MAML2: variants seen among roughly 807,000 people sequenced by gnomAD.
MAML2 encodes the protein mastermind like transcriptional coactivator 2, also known as mastermind-like protein 2.
MAML2 carries 22 observed loss-of-function variants against 96.1 expected under a neutral mutation model. That is an observed-to-expected ratio of 0.23 (90% CI 0.16 to 0.33). The LOEUF is 0.33. Among genes scored for constraint, MAML2 ranks in the 10% least tolerant of loss-of-function variants. MAML2 has a pLI of 1.00. For missense variants in MAML2, 1,367 were observed against 1,392.4 expected (o/e 0.98, Z 0.29); for synonymous variants, 561 against 521.3 (o/e 1.08, Z -1.04).
intron 1 of MAML2, among the ~76,000 whole-genome samples, chr11:96,270,459 G>A (rs1437267245): frequency 2.0e-5 from 3 of 152,094 alleles, no homozygotes; most frequent in Non-Finnish European, 4.4e-5. Context: ...ACAGACGGGT[G>A]CCACCACACC....
intron 1 of MAML2, among the ~76,000 whole-genome samples, chr11:96,175,503 A>G (rs1445665650): frequency 6.6e-6 from 1 of 152,236 alleles, no homozygotes; most frequent in Non-Finnish European, 1.5e-5. Context: ...CCACTTTAGC[A>G]ATATTTGTCC....
intron 3 of MAML2, among the ~76,000 whole-genome samples, chr11:95,986,292 C>T (rs1002342909): frequency 1.3e-5 from 2 of 151,102 alleles, no homozygotes; most frequent in Non-Finnish European, 3.0e-5. Context: ...GCAACCTCTG[C>T]CTCCCTGGTT....
chr11:96,293,181 G>A (rs1863239927), intron 1 of MAML2, among the ~76,000 whole-genome samples: 1 of 152,140 alleles, frequency 6.6e-6, no homozygotes, highest in Non-Finnish European at 1.5e-5. Context: ...TATTACCCCT[G>A]TAATGTGCCA....
intron 1 of MAML2, among the ~76,000 whole-genome samples, chr11:96,188,811 A>G (rs932814099): frequency 3.3e-5 from 5 of 152,118 alleles, no homozygotes; most frequent in African/African-American, 1.2e-4. Flanking sequence ...CACATGTGAA[A>G]CATCTCTGAA....
intron 1 of MAML2, among the ~76,000 whole-genome samples, chr11:96,274,073 T>C (rs957573886): frequency 3.4e-5 from 5 of 148,154 alleles, no homozygotes; most frequent in African/African-American, 1.2e-4. Flanking sequence ...TCTTTTTCCT[T>C]TTCCTTTTTT....
chr11:96,008,513 C>A (rs964053167), intron 2 of MAML2, among the ~76,000 whole-genome samples: 1 of 152,168 alleles, frequency 6.6e-6, no homozygotes, highest in Non-Finnish European at 1.5e-5. Flanking sequence ...TCACTGAGTA[C>A]ATATCTGAAC....
At chr11:96,298,243 TC>T (rs1209498504) in intron 1 of MAML2, among the ~76,000 whole-genome samples, 2 of 152,220 alleles carry the variant, frequency 1.3e-5, no homozygotes, top group Non-Finnish European at 2.9e-5. Flanking sequence ...ATGCTTATGT[TC>T]TGATTAGGTT....
intron 1 of MAML2, among the ~76,000 whole-genome samples, chr11:96,290,894 G>A (rs1402311315): frequency 2.6e-5 from 4 of 152,096 alleles, no homozygotes; most frequent in Non-Finnish European, 5.9e-5. Context: ...TGGCTGTTGG[G>A]TTTTTCTGTT....
intron 1 of MAML2, among the ~76,000 whole-genome samples, chr11:96,256,778 T>C (rs1862674128): frequency 6.6e-6 from 1 of 152,210 alleles, no homozygotes. Flanking sequence ...GGAAGTTACT[T>C]ATTTTACACA....
intron 1 of MAML2, among the ~76,000 whole-genome samples, chr11:96,249,370 A>G (rs909159631): frequency 6.6e-6 from 1 of 152,156 alleles, no homozygotes; most frequent in Non-Finnish European, 1.5e-5. Context: ...CCTTAAATAC[A>G]TAAATGTACA....
At chr11:96,272,525 A>C (rs1862931193) in intron 1 of MAML2, among the ~76,000 whole-genome samples, 1 of 152,344 alleles carries the variant, frequency 6.6e-6, no homozygotes, top group Non-Finnish European at 1.5e-5. Context: ...AACAAAAACC[A>C]ACATATATTT....
intron 1 of MAML2, among the ~76,000 whole-genome samples, chr11:96,296,020 G>A (rs1863294174): frequency 6.6e-6 from 1 of 151,034 alleles, no homozygotes; most frequent in African/African-American, 2.4e-5. Flanking sequence ...ACTGTATGCA[G>A]TACATTTTCT....
chr11:96,004,501 G>A (rs989699029), intron 2 of MAML2, among the ~76,000 whole-genome samples: 1 of 152,048 alleles, frequency 6.6e-6, no homozygotes. Context: ...AATGACAATT[G>A]TATAGACTAC....
At chr11:96,107,095 T>C (rs115844887) in intron 1 of MAML2, among the ~76,000 whole-genome samples, 3,483 of 148,502 alleles carry the variant, frequency 0.023, 129 homozygotes, top group African/African-American at 0.08. Flanking sequence ...CTGAAAGCCA[T>C]TCTGTTCATG....
At chr11:96,334,993 T>C (rs1863900157) in intron 1 of MAML2, among the ~76,000 whole-genome samples, 1 of 152,212 alleles carries the variant, frequency 6.6e-6, no homozygotes, top group Non-Finnish European at 1.5e-5. Context: ...CACAAATGTG[T>C]AGGCCAAGGT....
intron 1 of MAML2, among the ~76,000 whole-genome samples, chr11:96,245,745 C>T (rs975274492): frequency 3.5e-4 from 52 of 147,278 alleles, no homozygotes; most frequent in Admixed American, 6.3e-4. Context: ...CACTCTGTTG[C>T]CCAGGCTGGA....
intron 1 of MAML2, among the ~76,000 whole-genome samples, chr11:96,234,424 T>C (rs1862339079): frequency 1.3e-5 from 2 of 152,194 alleles, no homozygotes; most frequent in Admixed American, 1.3e-4. Context: ...GAGGTTGCAG[T>C]GAGCCGAGAT....
chr11:96,074,775 C>T (rs1348133928), intron 2 of MAML2, among the ~76,000 whole-genome samples: 1 of 152,176 alleles, frequency 6.6e-6, no homozygotes, highest in Non-Finnish European at 1.5e-5. Context: ...TCTGAGATTT[C>T]GAGTTATCTT....
chr11:96,117,747 T>C (rs961441041), intron 1 of MAML2, among the ~76,000 whole-genome samples: 1 of 152,218 alleles, frequency 6.6e-6, no homozygotes, highest in Non-Finnish European at 1.5e-5. Context: ...TGGTCTACAA[T>C]CTGCTGAAAG....
Sources: allele counts gnomAD v4.1 joint callset (sites outside exome capture counted in the v4.1 genomes callset), GRCh38; gene constraint gnomAD v4.1.1; transcripts MANE v1.5; gene names NCBI Gene and HGNC (gene_info 2026-07-23, HGNC 2026-07-21).